STRN: variants seen among roughly 807,000 people sequenced by gnomAD.
STRN encodes the protein protein phosphatase 2 regulatory subunit B'''alpha.
Under a neutral mutation model 96.3 loss-of-function variants are expected in STRN, and 53 were observed. That is an observed-to-expected ratio of 0.55 (90% CI 0.44 to 0.69). STRN has a LOEUF of 0.69. Among genes scored for constraint, STRN ranks in the 30% least tolerant of loss-of-function variants. The pLI, the probability that STRN is intolerant of heterozygous loss-of-function variation, is 0.00. For synonymous variants in STRN, 428 were observed against 355.9 expected, an observed-to-expected ratio of 1.20 and a Z score of -2.28; for missense variants, 987 against 963.9, an observed-to-expected ratio of 1.02 and a Z score of -0.32.
At chr2:36,918,905 G>A (rs1208291847) in intron 2 of STRN, among the ~76,000 whole-genome samples, 2 of 152,220 alleles carry the variant, frequency 1.3e-5, no homozygotes, top group African/African-American at 4.8e-5. Flanking sequence ...AGATAAAAAA[G>A]CAGATCTTAT....
At chr2:36,936,682 A>G (rs1203999655) in intron 1 of STRN, among the ~76,000 whole-genome samples, 2 of 152,228 alleles carry the variant, frequency 1.3e-5, no homozygotes, top group Non-Finnish European at 2.9e-5. Context: ...TGGTAATAGG[A>G]GTATGCATGT....
chr2:36,950,718 G>A (rs190043045), intron 1 of STRN, among the ~76,000 whole-genome samples: 250 of 152,262 alleles, frequency 1.6e-3, no homozygotes, highest in African/African-American at 5.5e-3. Context: ...ATGAAAAAGC[G>A]TAGAATTTTT....
intron 3 of STRN, among the ~76,000 whole-genome samples, chr2:36,910,998 A>G (rs1028008482): frequency 6.6e-6 from 1 of 152,244 alleles, no homozygotes; most frequent in Admixed American, 6.5e-5. Flanking sequence ...TCTGGTTATC[A>G]GTTTTAGGAA....
chr2:36,961,657 C>T (rs906064599), intron 1 of STRN, among the ~76,000 whole-genome samples: 1 of 152,124 alleles, frequency 6.6e-6, no homozygotes. Context: ...TACTTGTTTT[C>T]CCTCCAAGTC....
At chr2:36,963,658 C>G (rs913316758) in intron 1 of STRN, among the ~76,000 whole-genome samples, 1 of 151,914 alleles carries the variant, frequency 6.6e-6, no homozygotes, top group Non-Finnish European at 1.5e-5. Context: ...AAAATGCTGT[C>G]AAAAAAGTAG....
In STRN at chr2:36,837,889, T is replaced by C. The variant is rs947042089; in HGVS notation, c.*11567A>G. 3.9e-5 allele frequency among the ~76,000 whole-genome samples: 6 copies of C among 151,946 alleles called. No homozygotes were observed. Among genetic ancestry groups the C allele is most frequent in the African/African-American group, 1.2e-4 (5 of 41,350 alleles). On this transcript the variant is annotated 3_prime_UTR_variant, in exon 18 of 18. Coordinates refer to ENST00000263918, the MANE Select transcript of STRN (RefSeq NM_003162.4). Reference sequence around the variant, plus strand: ...ACGGTACAAACATATGGACCAAAAATAAGAAAAATTTAAAAATGTATATAA... The same window carrying C: ...ACGGTACAAACATATGGACCAAAAACAAGAAAAATTTAAAAATGTATATAA...
chr2:36,945,495 G>A lies in STRN; in HGVS notation c.235-20287C>T, dbSNP rs562586585. On this transcript the variant is annotated intron_variant, in intron 1 of 17. Transcript: ENST00000263918. ...AGCCTGGCTAACGTAGTGAAACTCC[G>A]TCTCAACTAAAAATACAAAAAATTA... is the stretch of plus-strand genomic sequence containing the variant. Among the ~76,000 whole-genome samples, 13 of 152,148 alleles carry A rather than the reference G, an allele frequency of 8.5e-5. No individual in the cohort carries two copies. In the South Asian group the frequency reaches 1.0e-3, roughly 12 times the overall value.
intron 2 of STRN, among the ~76,000 whole-genome samples, chr2:36,922,409 CT>C (rs1670285107): frequency 6.6e-6 from 1 of 150,894 alleles, no homozygotes; most frequent in African/African-American, 2.4e-5. Context: ...TTCCCAGCCA[CT>C]TGGGAGGCTG....
At chr2:36,964,201 T>A (rs1460696960) in intron 1 of STRN, among the ~76,000 whole-genome samples, 1 of 137,304 alleles carries the variant, frequency 7.3e-6, no homozygotes, top group Non-Finnish European at 1.5e-5. Flanking sequence ...GAAGGATGGG[T>A]TGGAATTCCC....
chr2:36,879,234 C>T (rs1669003759), intron 9 of STRN, among the ~76,000 whole-genome samples: 2 of 149,308 alleles, frequency 1.3e-5, no homozygotes, highest in African/African-American at 4.9e-5. Context: ...CCATGCCTGG[C>T]TAATTTTTGT....
At chr2:36,929,978 G>C (rs1202673144) in intron 1 of STRN, among the ~76,000 whole-genome samples, 1 of 152,228 alleles carries the variant, frequency 6.6e-6, no homozygotes, top group African/African-American at 2.4e-5. Context: ...TATGGTTACA[G>C]TGTACAATGA....
intron 7 of STRN, among the ~76,000 whole-genome samples, chr2:36,892,709 T>C (rs140151144): frequency 0.011 from 1,624 of 152,182 alleles, 12 homozygotes; most frequent in Middle Eastern, 0.017. Flanking sequence ...GAACATAATA[T>C]AAAACCTAAC....
chr2:36,946,964 C>T (rs963206142), intron 1 of STRN, among the ~76,000 whole-genome samples: 2 of 151,468 alleles, frequency 1.3e-5, no homozygotes, highest in African/African-American at 2.4e-5. Context: ...GGTGAGATTT[C>T]GGCTCACTGC....
At chr2:36,912,504 G>C (rs1669988661) in intron 3 of STRN, among the ~76,000 whole-genome samples, 1 of 152,060 alleles carries the variant, frequency 6.6e-6, no homozygotes. Context: ...TCTTCTCTTG[G>C]TTTCCTTGGT....
In STRN at chr2:36,855,196, A is replaced by C; in HGVS notation, c.1978+16T>G. ...TAAAAAAATAAACACAGACAATTTA[A>C]AATTGGTATGCATACTTGTATCTAC... On this transcript the variant is annotated intron_variant, in intron 15 of 17. Coordinates refer to ENST00000263918, the MANE Select transcript of STRN (RefSeq NM_003162.4). 6.2e-7 allele frequency: 1 copy of C among 1,608,056 alleles called. No homozygotes were observed. The highest frequency in any genetic ancestry group is 8.5e-7 in the Non-Finnish European group (1 of 1,177,534).
chr2:36,928,417 C>T (rs1306257740), intron 1 of STRN, among the ~76,000 whole-genome samples: 2 of 151,966 alleles, frequency 1.3e-5, no homozygotes, highest in African/African-American at 2.4e-5. Context: ...TTTGGGAGGC[C>T]GAGGCGGGGG....
At chr2:36,878,319 T>G (rs1295983513) in intron 9 of STRN, among the ~76,000 whole-genome samples, 2 of 152,216 alleles carry the variant, frequency 1.3e-5, no homozygotes, top group East Asian at 3.8e-4. Context: ...TATAGGAAAG[T>G]AAGTTTTCCT....
Position 36,842,795 on chromosome 2 carries a change from T to C in STRN, c.*6661A>G, listed in dbSNP as rs1378177322. Among the ~76,000 whole-genome samples the C allele has an allele frequency of 6.6e-6, 1 of 152,176 alleles. No homozygotes were observed. The highest frequency in any genetic ancestry group is 1.5e-5 in the Non-Finnish European group (1 of 68,028). On this transcript the variant is annotated 3_prime_UTR_variant, in exon 18 of 18. Transcript: ENST00000263918. Reference sequence around the variant, plus strand: ...GTGTTTCAGAAAACGGATTCCAATTTTCAGAGCCGTATGTCAGTGCTTCCT... The same window carrying C: ...GTGTTTCAGAAAACGGATTCCAATTCTCAGAGCCGTATGTCAGTGCTTCCT...
At chr2:36,855,381 G>A in intron 14 of STRN, 29 bp from the exon 15 acceptor site, 1 of 1,604,900 alleles carries the variant, frequency 6.2e-7, no homozygotes, top group Non-Finnish European at 8.5e-7. Flanking sequence ...AAATAGAATG[G>A]CAATTAAACC....
Sources: allele counts gnomAD v4.1 joint callset (sites outside exome capture counted in the v4.1 genomes callset), GRCh38; gene constraint gnomAD v4.1.1; transcripts MANE v1.5; gene names NCBI Gene and HGNC (gene_info 2026-07-23, HGNC 2026-07-21).